HECW2: variants seen among roughly 807,000 people sequenced by gnomAD.
HECW2 encodes HECT, C2 and WW domain containing E3 ubiquitin protein ligase 2, also known as E3 ubiquitin-protein ligase HECW2.
HECW2 carries 61 observed loss-of-function variants against 175.2 expected under a neutral mutation model. That is an observed-to-expected ratio of 0.35 (90% CI 0.28 to 0.43). The LOEUF (loss-of-function observed/expected upper bound fraction) is 0.43. Ranked by LOEUF, HECW2 falls within the 20% of genes least tolerant of loss-of-function variation. The pLI, the probability that HECW2 is intolerant of heterozygous loss-of-function variation, is 1.00. For missense variants in HECW2, 1,524 were observed against 2,000.5 expected, an observed-to-expected ratio of 0.76 and a Z score of 4.54; for synonymous variants, 671 against 731.0, an observed-to-expected ratio of 0.92 and a Z score of 1.32.
intron 13 of HECW2, among the ~76,000 whole-genome samples, chr2:196,299,186 A>C (rs1690935717): frequency 6.6e-6 from 1 of 152,218 alleles, no homozygotes; most frequent in Non-Finnish European, 1.5e-5. Context: ...ATATAAATGC[A>C]GTTCATAAGA....
At chr2:196,541,065 C>T (rs1051179353) in intron 1 of HECW2, among the ~76,000 whole-genome samples, 4 of 152,096 alleles carry the variant, frequency 2.6e-5, no homozygotes, top group African/African-American at 9.7e-5. Flanking sequence ...CCTTCACTAA[C>T]CAACCACCCA....
intron 10 of HECW2, among the ~76,000 whole-genome samples, chr2:196,311,005 C>T (rs62184635): frequency 0.066 from 9,981 of 152,152 alleles, 441 homozygotes; most frequent in Middle Eastern, 0.11. Flanking sequence ...CAGCAAGAAC[C>T]TAGTAACATT....
At chr2:196,590,180 A>C (rs1691134775) in intron 1 of HECW2, among the ~76,000 whole-genome samples, 1 of 152,176 alleles carries the variant, frequency 6.6e-6, no homozygotes, top group Non-Finnish European at 1.5e-5. Context: ...GGACACTTTT[A>C]CATGTGAAAG....
At chr2:196,542,001 T>C (rs1462803173) in intron 1 of HECW2, among the ~76,000 whole-genome samples, 3 of 152,034 alleles carry the variant, frequency 2.0e-5, no homozygotes, top group Non-Finnish European at 2.9e-5. Flanking sequence ...CGGTGGCTCA[T>C]GCCTGTAATC....
intron 1 of HECW2, among the ~76,000 whole-genome samples, chr2:196,585,833 T>C (rs913687727): frequency 6.6e-6 from 1 of 152,156 alleles, no homozygotes; most frequent in African/African-American, 2.4e-5. Flanking sequence ...CCTGAAAACC[T>C]TAGAGTATGA....
rs1204393107 is a variant in HECW2 at position 196,217,117 on chromosome 2, C to G, written c.4409-24G>C. The G allele has an allele frequency of 2.5e-6, 4 of 1,575,898 alleles. No individual in the cohort carries two copies. The African/African-American group carries it at 5.5e-5, about 22-fold the overall frequency. On this transcript the variant is annotated intron_variant, in intron 26 of 28. Coordinates refer to ENST00000644978, the MANE Select transcript of HECW2 (RefSeq NM_001348768.2). ...TCCTATCAAACCAATCATAAAAGCC[C>G]ATGTTACTTTGACTCTTCTATATTA...
chr2:196,517,370 C>T (rs1234222965), intron 1 of HECW2, among the ~76,000 whole-genome samples: 2 of 151,968 alleles, frequency 1.3e-5, no homozygotes, highest in East Asian at 3.9e-4. Context: ...AACTAAATTA[C>T]CATACAATAA....
chr2:196,224,621 G>GT (rs1687784962), intron 23 of HECW2, among the ~76,000 whole-genome samples: 2 of 152,182 alleles, frequency 1.3e-5, no homozygotes, highest in Non-Finnish European at 2.9e-5. Context: ...GTGGTGCACA[G>GT]TGTCAGAAGC....
At chr2:196,251,811 T>C (rs1295298732) in intron 19 of HECW2, among the ~76,000 whole-genome samples, 1 of 152,134 alleles carries the variant, frequency 6.6e-6, no homozygotes, top group East Asian at 1.9e-4. Context: ...ATTTTCTAAT[T>C]TATCCTCCCA....
intron 1 of HECW2, among the ~76,000 whole-genome samples, chr2:196,540,295 T>C (rs1689167703): frequency 6.6e-6 from 1 of 152,200 alleles, no homozygotes; most frequent in Admixed American, 6.5e-5. Context: ...GAGCAAGTAG[T>C]TGTTCTACTT....
In HECW2 at chr2:196,253,956, G is replaced by C; in HGVS notation, c.3493C>G (p.Arg1165Gly). 6.2e-7 allele frequency: 1 copy of C among 1,614,064 alleles called. No homozygotes were observed. Among genetic ancestry groups the C allele is most frequent in the Non-Finnish European group, 8.5e-7 (1 of 1,179,926 alleles). The change falls in exon 19 of 29, where the codon CGT (arginine) becomes GGT (glycine). Residue 1165 changes from arginine to glycine, a missense_variant. Arg to Gly is a moderately radical substitution (Grantham distance 125). Around this residue, in one of 11 missense-constraint regions of HECW2, gnomAD observed 291 missense variants for 412.2 expected, o/e 0.71. Transcript: ENST00000644978. Reference sequence around the variant, plus strand: ...TGAGGAGATGACACGGGAGAGCCACGTGGGGACTGACAGTAGCTGGGGTGG... The same window carrying C: ...TGAGGAGATGACACGGGAGAGCCACCTGGGGACTGACAGTAGCTGGGGTGG... ...LLHPSYCQSP[R>G]GSPVSSPQNS...
rs573120176 is a variant in HECW2, at chr2:196,436,176, G to A, written c.-35-2718C>T. 2.4e-4 allele frequency among the ~76,000 whole-genome samples: 37 copies of A among 152,170 alleles called. No homozygotes were observed. The East Asian group carries it at 2.5e-3, about 10-fold the overall frequency. On this transcript the variant is annotated intron_variant, in intron 1 of 28. Transcript: ENST00000644978. Reference sequence around the variant, plus strand: ...AGCACTTTGGGAGGCCGACGCAGGCGGATCATGAAGTCAGGAGATTGAGAC... The same window carrying A: ...AGCACTTTGGGAGGCCGACGCAGGCAGATCATGAAGTCAGGAGATTGAGAC...
intron 2 of HECW2, among the ~76,000 whole-genome samples, chr2:196,376,375 A>C (rs1694051909): frequency 6.6e-6 from 1 of 152,224 alleles, no homozygotes; most frequent in South Asian, 2.1e-4. Context: ...TCATGCCTGT[A>C]ATCCCAGCAC....
chr2:196,450,132 A>C (rs1224748396), intron 1 of HECW2, among the ~76,000 whole-genome samples: 2 of 152,158 alleles, frequency 1.3e-5, no homozygotes, highest in African/African-American at 4.8e-5. Context: ...ATGCATCCAA[A>C]ACTTTGCCCT....
rs138073304 is a variant in HECW2, at chr2:196,318,661, C to T, written c.2229G>A (p.Leu743=). 6.9e-6 allele frequency: 11 copies of T among 1,601,444 alleles called. No individual in the cohort carries two copies. Among genetic ancestry groups the T allele is most frequent in the Non-Finnish European group, 8.5e-6 (10 of 1,173,468 alleles). Residue 743 remains leucine, a synonymous_variant, in exon 9 of 29, where the codon CTG becomes CTA. Coordinates refer to ENST00000644978, the MANE Select transcript of HECW2 (RefSeq NM_001348768.2). The stretch of plus-strand genomic sequence containing the variant: ...TCTCGGCAGCAGCTGCAGCTCCCTC[C>T]AGGCTCCCCCTCCGCTGCCAGACCT... ...LGEVWQRRGS[L]EGAAAAAESP...
intron 1 of HECW2, among the ~76,000 whole-genome samples, chr2:196,502,712 TG>T (rs1687618262): frequency 1.3e-5 from 2 of 152,180 alleles, no homozygotes; most frequent in African/African-American, 4.8e-5. Context: ...GGAACAATAA[TG>T]GGTAAGAGCA....
intron 4 of HECW2, chr2:196,331,216 C>G: frequency 5.1e-6 from 5 of 985,222 alleles, no homozygotes; most frequent in Non-Finnish European, 6.0e-6. Flanking sequence ...AGATCCAATT[C>G]CTGGGTCATA....
At chr2:196,381,555 T>A (rs879707159) in intron 2 of HECW2, among the ~76,000 whole-genome samples, 6 of 152,188 alleles carry the variant, frequency 3.9e-5, no homozygotes, top group Admixed American at 2.6e-4. Flanking sequence ...AAAATGTTCC[T>A]TATATTATAA....
chr2:196,443,275 C>T (rs963236533), intron 1 of HECW2, among the ~76,000 whole-genome samples: 3 of 152,034 alleles, frequency 2.0e-5, no homozygotes, highest in African/African-American at 7.2e-5. Flanking sequence ...AAAATGAATG[C>T]TGGACAAAGA....
Sources: allele counts gnomAD v4.1 joint callset (sites outside exome capture counted in the v4.1 genomes callset), GRCh38; gene constraint gnomAD v4.1.1; regional missense constraint gnomAD v4.1.1; transcripts MANE v1.5; gene names NCBI Gene and HGNC (gene_info 2026-07-23, HGNC 2026-07-21).